STX3: variants seen among roughly 807,000 people sequenced by gnomAD.
STX3 encodes syntaxin-3.
A neutral mutation model predicts 40.2 loss-of-function variants in STX3; 19 were observed. The ratio of observed to expected loss-of-function variants is 0.47; its 90% CI spans 0.33 to 0.69. The LOEUF (loss-of-function observed/expected upper bound fraction) is 0.69, where lower values mean the gene tolerates loss of function less well. Ranked by LOEUF, STX3 falls within the 30% of genes least tolerant of loss-of-function variation. The pLI, the probability that STX3 is intolerant of heterozygous loss-of-function variation, is 0.02. For synonymous variants in STX3, 122 were observed against 132.2 expected (o/e 0.92, Z 0.53); for missense variants, 364 against 366.7 (o/e 0.99, Z 0.06).
At position 59,801,509 on chromosome 11, in the gene STX3, C is replaced by G. The variant is rs1053994575; in HGVS notation, c.*685C>G. On this transcript the variant is annotated 3_prime_UTR_variant, in exon 11 of 11. Coordinates refer to ENST00000337979, the MANE Select transcript of STX3 (RefSeq NM_004177.5). ...TACTCAAGGAGGGACCAGGATGATA[C>G]AGTCATCTGAGGTTATGCTTTGCAA... 1 of 985,540 alleles carries G rather than the reference C, an allele frequency of 1.0e-6. No homozygotes were observed. Among genetic ancestry groups the G allele is most frequent in the Non-Finnish European group, 1.2e-6 (1 of 830,030 alleles). The allele number at this position is 985,540 out of a possible 1,614,324, so 61.0% of individuals were successfully genotyped here. A position where few individuals can be genotyped will look rare whatever the true frequency, so the allele number is the denominator to read the frequency against.
intron 3 of STX3, among the ~76,000 whole-genome samples, chr11:59,788,247 G>A (rs534596201): frequency 3.9e-5 from 6 of 152,168 alleles, no homozygotes; most frequent in South Asian, 2.1e-4. Context: ...CTTACTCCAC[G>A]CTGCATATTA....
At chr11:59,785,596 G>T (rs1864703817) in intron 2 of STX3, among the ~76,000 whole-genome samples, 1 of 152,162 alleles carries the variant, frequency 6.6e-6, no homozygotes, top group Non-Finnish European at 1.5e-5. Context: ...CTCTCAAAGT[G>T]CTGGGATTAC....
intron 9 of STX3, among the ~76,000 whole-genome samples, chr11:59,796,608 C>CT (rs1865530834): frequency 6.6e-6 from 1 of 152,136 alleles, no homozygotes; most frequent in South Asian, 2.1e-4. Context: ...AATTAGAACT[C>CT]TATCAAAAAT....
chr11:59,800,762 C>T (rs1310922803), intron 10 of STX3, 93 bp from the exon 11 acceptor site: 12 of 1,529,496 alleles, frequency 7.8e-6, no homozygotes, highest in Middle Eastern at 3.4e-4. Flanking sequence ...TCTGGTCTTT[C>T]CTCCCCACCT....
intron 1 of STX3, among the ~76,000 whole-genome samples, chr11:59,772,593 C>T (rs1199866252): frequency 1.3e-5 from 2 of 152,128 alleles, no homozygotes; most frequent in South Asian, 2.1e-4. Flanking sequence ...GTGTCTGGAA[C>T]CTGTTTGAAC....
chr11:59,764,095 G>C (rs955168384), intron 1 of STX3, among the ~76,000 whole-genome samples: 4 of 152,126 alleles, frequency 2.6e-5, no homozygotes, highest in Non-Finnish European at 2.9e-5. Flanking sequence ...AAGAAGAATT[G>C]AGAGGGAGCT....
At chr11:59,799,985 T>C (rs1368056006) in intron 10 of STX3, 2 of 985,324 alleles carry the variant, frequency 2.0e-6, no homozygotes, top group South Asian at 4.7e-5. Context: ...AAAGATGATA[T>C]GCAAATTTGT....
rs1431256264 is a variant in STX3 at position 59,805,292 on chromosome 11, T to C, written c.*4468T>C. The C allele has an allele frequency of 1.3e-5, 2 of 152,192 alleles. No individual in the cohort carries two copies. Among genetic ancestry groups the C allele is most frequent in the Non-Finnish European group, 2.9e-5 (2 of 68,040 alleles). 9.4% of individuals were successfully genotyped at this position (152,192 alleles called of 1,614,324 possible). On this transcript the variant is annotated 3_prime_UTR_variant, in exon 11 of 11. Transcript: ENST00000337979. ...AAACCAGCTATGTGAATGTGAGTTCTAGTGCAGATTATTTAGTGATTATGT... is the reference window on the plus strand; with the variant it reads ...AAACCAGCTATGTGAATGTGAGTTCCAGTGCAGATTATTTAGTGATTATGT...
chr11:59,791,040 G>A (rs199893670), intron 5 of STX3, among the ~76,000 whole-genome samples: 1 of 152,192 alleles, frequency 6.6e-6, no homozygotes, highest in Non-Finnish European at 1.5e-5. Context: ...GCAGGAGGAT[G>A]CGATAAGAAG....
In STX3 at chr11:59,765,799, G is replaced by A. The variant is rs1863253263; in HGVS notation, c.31-7412G>A. Reference sequence around the variant, plus strand: ...AGCCTGGAAGATAGAGCAAGACTCTGTCTCAAACAAACAAACAAACAAACA... The same window carrying A: ...AGCCTGGAAGATAGAGCAAGACTCTATCTCAAACAAACAAACAAACAAACA... On this transcript the variant is annotated intron_variant, in intron 1 of 10. Transcript: ENST00000337979. Among the ~76,000 whole-genome samples the A allele has an allele frequency of 5.3e-5, 8 of 151,174 alleles. No homozygotes were observed. The South Asian group carries it at 1.5e-3, about 27-fold the overall frequency.
At chr11:59,771,400 A>AC (rs1565168425) in intron 1 of STX3, among the ~76,000 whole-genome samples, 27 of 42,242 alleles carry the variant, frequency 6.4e-4, no homozygotes, top group East Asian at 1.3e-3. Context: ...CCGTCCCCCC[A>AC]CCTCCCCCCC....
At chr11:59,767,158 G>C (rs1176583488) in intron 1 of STX3, among the ~76,000 whole-genome samples, 3 of 152,084 alleles carry the variant, frequency 2.0e-5, no homozygotes, top group Non-Finnish European at 4.4e-5. Flanking sequence ...CATAACCCTG[G>C]CTGTCCTTTC....
upstream of STX3, chr11:59,754,204 A>T (rs1862597894): frequency 3.3e-5 from 5 of 152,212 alleles, no homozygotes; most frequent in Admixed American, 3.3e-4. Flanking sequence ...GGCAGAAGGA[A>T]GTGTGCCGGA....
intron 8 of STX3, among the ~76,000 whole-genome samples, chr11:59,794,950 G>A (rs1865426867): frequency 6.6e-6 from 1 of 152,232 alleles, no homozygotes; most frequent in East Asian, 1.9e-4. Flanking sequence ...GCTGAATGAT[G>A]TTGATTCAGG....
At chr11:59,775,187 G>T (rs758942150) in intron 2 of STX3, among the ~76,000 whole-genome samples, 2 of 152,192 alleles carry the variant, frequency 1.3e-5, no homozygotes, top group Non-Finnish European at 2.9e-5. Context: ...ACTTGAATGT[G>T]TGCTGGCCTG....
chr11:59,758,013 C>T (rs1862821068), intron 1 of STX3, among the ~76,000 whole-genome samples: 1 of 152,180 alleles, frequency 6.6e-6, no homozygotes, highest in South Asian at 2.1e-4. Flanking sequence ...GCACATTGAG[C>T]AGCCTATGCA....
chr11:59,786,140 A>C (rs971174644), intron 2 of STX3, among the ~76,000 whole-genome samples: 1 of 152,194 alleles, frequency 6.6e-6, no homozygotes, highest in East Asian at 1.9e-4. Context: ...CAGTTAGTAC[A>C]AGAACATATG....
chr11:59,791,013 C>A (rs574137862), intron 5 of STX3, among the ~76,000 whole-genome samples: 4 of 152,040 alleles, frequency 2.6e-5, no homozygotes, highest in Middle Eastern at 3.2e-3. Flanking sequence ...TAAGACCCAG[C>A]AGGAGGATGC....
intron 2 of STX3, among the ~76,000 whole-genome samples, chr11:59,775,200 T>G (rs545724772): frequency 6.6e-6 from 1 of 152,164 alleles, no homozygotes; most frequent in Non-Finnish European, 1.5e-5. Context: ...CTGGCCTGAT[T>G]GGGAAGTTGG....
Sources: allele counts gnomAD v4.1 joint callset (sites outside exome capture counted in the v4.1 genomes callset), GRCh38; gene constraint gnomAD v4.1.1; transcripts MANE v1.5; gene names NCBI Gene and HGNC (gene_info 2026-07-23, HGNC 2026-07-21).